The following PHLDB2 variants were observed in gnomAD, a reference collection of about 807,000 sequenced individuals.
The protein encoded by PHLDB2 is pleckstrin homology like domain family B member 2.
In PHLDB2, 71 loss-of-function variants were observed where a neutral mutation model predicts 123.6. That is an observed-to-expected ratio of 0.57 (90% confidence interval 0.47 to 0.70). The LOEUF is 0.70. Among genes scored for constraint, PHLDB2 ranks in the 30% least tolerant of loss-of-function variants. PHLDB2 has a pLI of 0.00. For synonymous variants in PHLDB2, 547 were observed against 541.6 expected (o/e 1.01, Z -0.14); for missense variants, 1,446 against 1,519.5 (o/e 0.95, Z 0.80).
intron 1 of PHLDB2, among the ~76,000 whole-genome samples, chr3:111,881,850 A>T (rs950336032): frequency 3.3e-5 from 5 of 151,216 alleles, no homozygotes; most frequent in Non-Finnish European, 4.4e-5. Flanking sequence ...AAAATTTTCC[A>T]GTATATTTAT....
rs1370726391 is a variant in PHLDB2 at position 111,885,158 on chromosome 3, G to A, written c.1081G>A (p.Gly361Arg). 31 of 1,613,940 alleles carry A rather than the reference G, an allele frequency of 1.9e-5. No homozygotes were observed. The highest frequency in any genetic ancestry group is 2.6e-5 in the Non-Finnish European group (31 of 1,180,022). The change falls in exon 2 of 18, where the codon GGG becomes AGG. Residue 361 changes from glycine to arginine, a missense_variant. Gly to Arg is a moderately radical substitution (Grantham distance 125). Transcript: ENST00000431670. ...TGACTTTGATCAGGCTTCATATGTG[G>A]GGACAAACCCGAGTCATTCACTTCT... ...SDDFDQASYVGTNPSHSLLAG... is the reference protein window; with the variant it reads ...SDDFDQASYVRTNPSHSLLAG...
chr3:111,875,874 G>A (rs192011418), intron 1 of PHLDB2, among the ~76,000 whole-genome samples: 67 of 151,454 alleles, frequency 4.4e-4, no homozygotes, highest in Middle Eastern at 3.4e-3. Flanking sequence ...ATGAAGTGTT[G>A]CTACATATTC....
intron 8 of PHLDB2, among the ~76,000 whole-genome samples, chr3:111,941,306 G>A (rs1013136033): frequency 6.6e-6 from 1 of 152,120 alleles, no homozygotes; most frequent in Admixed American, 6.5e-5. Context: ...TCAGCAATAA[G>A]ACACCAAACA....
chr3:111,939,633 A>T lies in PHLDB2; in HGVS notation c.2286+3A>T. On this transcript the variant is annotated splice_donor_region_variant and intron_variant, in intron 7 of 17. Transcript: ENST00000431670. ...AACGGAACATCGTTTCTAGAAAGGT[A>T]CTTTTTCCAGGTGTCATTCAATGTG... The T allele has an allele frequency of 6.2e-7, 1 of 1,607,404 alleles. No homozygotes were observed. Among genetic ancestry groups the T allele is most frequent in the Non-Finnish European group, 8.5e-7 (1 of 1,178,190 alleles).
At chr3:111,875,305 T>G (rs958830129) in intron 1 of PHLDB2, among the ~76,000 whole-genome samples, 11 of 148,230 alleles carry the variant, frequency 7.4e-5, no homozygotes, top group Non-Finnish European at 4.5e-5. Context: ...TGCACCACCA[T>G]GCCTGGCTAA....
chr3:111,806,872 G>A lies in PHLDB2; in HGVS notation c.-48-38949G>A, dbSNP rs116700669. Among the ~76,000 whole-genome samples the A allele has an allele frequency of 2.4e-3, 368 of 151,058 alleles. 4 individuals are homozygous for A. Among genetic ancestry groups the A allele is most frequent in the African/African-American group, 8.7e-3 (358 of 41,058 alleles). ...GTCTTGAACTTCTTCCTAGGCTCAA[G>A]CACCCTTCCTGCCTTGGCCTCCTAA... On this transcript the variant is annotated intron_variant, in intron 1 of 17. Transcript: ENST00000393923.
chr3:111,859,203 T>C, upstream of PHLDB2: 4 of 985,330 alleles, frequency 4.1e-6, no homozygotes, highest in Non-Finnish European at 4.8e-6. Flanking sequence ...ATCATCACCC[T>C]AGGACGTAAA....
At chr3:111,955,065 T>C (rs1457783900) in intron 12 of PHLDB2, among the ~76,000 whole-genome samples, 1 of 151,488 alleles carries the variant, frequency 6.6e-6, no homozygotes, top group Non-Finnish European at 1.5e-5. Context: ...CACGCACATA[T>C]ATGTAATACA....
chr3:111,913,548 G>A lies in PHLDB2; in HGVS notation c.1565G>A (p.Cys522Tyr), dbSNP rs746722918. 6.2e-7 allele frequency: 1 copy of A among 1,614,172 alleles called. No homozygotes were observed. The highest frequency in any genetic ancestry group is 8.5e-7 in the Non-Finnish European group (1 of 1,180,018). The change falls in exon 3 of 18, where the codon TGT becomes TAT. Residue 522 changes from cysteine to tyrosine, a missense_variant. Transcript: ENST00000431670. ...CTCCCTGATGCAGACTTGGCAAGCT[G>A]TGGGAGTCTCAGTCAGAGCAGTGCC... is the stretch of plus-strand genomic sequence containing the variant. ...DSLPDADLAS[C>Y]GSLSQSSASF...
intron 1 of PHLDB2, chr3:111,778,573 C>G (rs1414058965): frequency 6.6e-6 from 1 of 152,008 alleles, no homozygotes; most frequent in Non-Finnish European, 1.5e-5. Context: ...TTCAACCCAC[C>G]CTCAGAGCCG....
At chr3:111,905,329 G>T (rs1002589419) in intron 2 of PHLDB2, among the ~76,000 whole-genome samples, 3 of 151,816 alleles carry the variant, frequency 2.0e-5, no homozygotes, top group Non-Finnish European at 4.4e-5. Flanking sequence ...TCAAGAGATT[G>T]GCTTTCTGTT....
Position 111,974,605 on chromosome 3 carries a change from T to A in PHLDB2, c.*42T>A. ...TCCACTTCAGGGCAGACGGCAATAA[T>A]CTCTTACAAGAATGAAGCCATATTC... On this transcript the variant is annotated 3_prime_UTR_variant, in exon 18 of 18. Transcript: ENST00000431670. 1 of 1,545,748 alleles carries A rather than the reference T, an allele frequency of 6.5e-7. No homozygotes were observed. The highest frequency in any genetic ancestry group is 2.3e-5 in the East Asian group (1 of 42,796).
At chr3:111,843,062 T>G (rs1243948787) in intron 1 of PHLDB2, among the ~76,000 whole-genome samples, 1 of 152,246 alleles carries the variant, frequency 6.6e-6, no homozygotes, top group Non-Finnish European at 1.5e-5. Flanking sequence ...CCATGAACAT[T>G]TACATATGAG....
At chr3:111,955,182 C>G (rs1273673438) in intron 12 of PHLDB2, among the ~76,000 whole-genome samples, 1 of 137,940 alleles carries the variant, frequency 7.2e-6, no homozygotes, top group Non-Finnish European at 1.6e-5. Context: ...ACGAGGTTTT[C>G]AAATCATTAC....
chr3:111,952,151 T>C (rs887546308), intron 10 of PHLDB2, among the ~76,000 whole-genome samples: 2 of 152,210 alleles, frequency 1.3e-5, no homozygotes, highest in African/African-American at 4.8e-5. Context: ...ACTCGCTTTT[T>C]CTCTTTTTCT....
chr3:111,943,697 CA>C (rs1553752994), intron 8 of PHLDB2, among the ~76,000 whole-genome samples: 1 of 152,048 alleles, frequency 6.6e-6, no homozygotes, highest in Non-Finnish European at 1.5e-5. Flanking sequence ...AATTTAATTC[CA>C]TCTCATAAAC....
chr3:111,898,425 C>T (rs182760458), intron 2 of PHLDB2, among the ~76,000 whole-genome samples: 25 of 152,186 alleles, frequency 1.6e-4, no homozygotes, highest in East Asian at 7.7e-4. Context: ...TCAAGTGACC[C>T]GCCCACCTCA....
chr3:111,756,446 T>C (rs904789545), intron 1 of PHLDB2, among the ~76,000 whole-genome samples: 6 of 152,290 alleles, frequency 3.9e-5, no homozygotes, highest in Non-Finnish European at 4.4e-5. Flanking sequence ...GTTTAAAGTC[T>C]TTTATCAGAG....
At chr3:111,739,619 CA>C in intron 1 of PHLDB2, among the ~76,000 whole-genome samples, 1 of 147,182 alleles carries the variant, frequency 6.8e-6, no homozygotes, top group African/African-American at 2.5e-5. Context: ...ACAATGGTCA[CA>C]GGCTACAGAA....
Sources: allele counts gnomAD v4.1 joint callset (sites outside exome capture counted in the v4.1 genomes callset), GRCh38; gene constraint gnomAD v4.1.1; transcripts MANE v1.5; gene names NCBI Gene and HGNC (gene_info 2026-07-23, HGNC 2026-07-21).